BRINP1: variants seen among roughly 807,000 people sequenced by gnomAD.
The protein encoded by BRINP1 is BMP/retinoic acid inducible neural specific 1.
BRINP1 carries 17 observed loss-of-function variants against 72.9 expected under a neutral mutation model. The ratio of observed to expected loss-of-function variants is 0.23; its 90% CI spans 0.16 to 0.35. The LOEUF is 0.35. BRINP1 is among the 10% of genes least tolerant of loss of function. The pLI is 1.00. For missense variants in BRINP1, 850 were observed against 1,001.6 expected (o/e 0.85, Z 2.04); for synonymous variants, 418 against 378.5 (o/e 1.10, Z -1.21).
At chr9:119,301,961 T>C (rs1421993172) in intron 2 of BRINP1, among the ~76,000 whole-genome samples, 1 of 152,222 alleles carries the variant, frequency 6.6e-6, no homozygotes, top group Non-Finnish European at 1.5e-5. Flanking sequence ...AAGTGATCTT[T>C]GTAAGATGAC....
intron 1 of BRINP1, among the ~76,000 whole-genome samples, chr9:119,332,340 T>G (rs1831307746): frequency 6.6e-6 from 1 of 152,200 alleles, no homozygotes; most frequent in Admixed American, 6.5e-5. Context: ...TGTCAAGAAT[T>G]TTGTAGATGT....
intron 1 of BRINP1, among the ~76,000 whole-genome samples, chr9:119,317,641 CT>C (rs1564246788): frequency 6.6e-6 from 1 of 152,206 alleles, no homozygotes. Flanking sequence ...ACGTAAAATA[CT>C]ATCAAACGGC....
At chr9:119,271,728 G>A (rs7026052) in intron 2 of BRINP1, among the ~76,000 whole-genome samples, 99,298 of 151,920 alleles carry the variant, frequency 0.65, 33,338 homozygotes, top group East Asian at 0.91. Flanking sequence ...AAACATTCAT[G>A]ATTGGCAAAT....
chr9:119,274,033 CCAGA>C (rs1306549682), intron 2 of BRINP1, among the ~76,000 whole-genome samples: 2 of 152,066 alleles, frequency 1.3e-5, no homozygotes, highest in Non-Finnish European at 2.9e-5. Context: ...TTCTGGATAC[CCAGA>C]CAAAGATACA....
At chr9:119,242,328 T>C (rs1830260261) in intron 3 of BRINP1, 112 bp from the exon 4 acceptor site, 3 of 838,818 alleles carry the variant, frequency 3.6e-6, no homozygotes, top group Non-Finnish European at 5.6e-6. Context: ...ATGTGGCCCA[T>C]GTTTCCTTCT....
Position 119,232,069 on chromosome 9 carries a change from C to T in BRINP1, c.685+6586G>A, listed in dbSNP as rs571579770. Among the ~76,000 whole-genome samples, 4 of 152,260 alleles carry T rather than the reference C, an allele frequency of 2.6e-5. No homozygotes were observed. The South Asian group carries it at 8.3e-4, about 32-fold the overall frequency. On this transcript the variant is annotated intron_variant, in intron 5 of 7. Coordinates refer to ENST00000265922, the MANE Select transcript of BRINP1 (RefSeq NM_014618.3). ...TAGGTTTGAACGCATTTTCACATGT[C>T]CCATCAAAACTGGTCCTTACCAGTC...
chr9:119,256,842 G>A (rs1166174018), intron 2 of BRINP1, among the ~76,000 whole-genome samples: 1 of 152,170 alleles, frequency 6.6e-6, no homozygotes, highest in Non-Finnish European at 1.5e-5. Context: ...AATGACCTCT[G>A]ATAAGTGGAG....
chr9:119,269,848 G>C (rs1830590539), intron 2 of BRINP1, among the ~76,000 whole-genome samples: 1 of 88,900 alleles, frequency 1.1e-5, no homozygotes, highest in Non-Finnish European at 2.3e-5. Flanking sequence ...CTAAACACTT[G>C]AGATACATTA....
intron 4 of BRINP1, among the ~76,000 whole-genome samples, chr9:119,240,663 C>A (rs1420153918): frequency 1.3e-5 from 2 of 152,104 alleles, no homozygotes; most frequent in Admixed American, 1.3e-4. Context: ...CAAATACAGG[C>A]GATTCTTTTC....
intron 6 of BRINP1, among the ~76,000 whole-genome samples, chr9:119,212,432 A>T (rs1319946620): frequency 6.6e-6 from 1 of 152,228 alleles, no homozygotes; most frequent in Non-Finnish European, 1.5e-5. Context: ...CAGATGAGGG[A>T]ACCTCAGGCC....
intron 5 of BRINP1, among the ~76,000 whole-genome samples, chr9:119,221,457 C>A (rs185917146): frequency 6.6e-6 from 1 of 152,078 alleles, no homozygotes; most frequent in Admixed American, 6.6e-5. Context: ...CAGTATCCAT[C>A]GCTGACAGCT....
chr9:119,179,301 C>T (rs1043889724), intron 7 of BRINP1, among the ~76,000 whole-genome samples: 1 of 152,170 alleles, frequency 6.6e-6, no homozygotes, highest in Non-Finnish European at 1.5e-5. Flanking sequence ...AAATCAGCAT[C>T]TTTCTGTTGG....
chr9:119,258,884 T>A (rs1221487640), intron 2 of BRINP1, among the ~76,000 whole-genome samples: 1 of 152,278 alleles, frequency 6.6e-6, no homozygotes, highest in South Asian at 2.1e-4. Context: ...TGAAGGCCAC[T>A]TGGAAAATCT....
chr9:119,205,535 A>T (rs1397350005), intron 7 of BRINP1, among the ~76,000 whole-genome samples: 1 of 152,158 alleles, frequency 6.6e-6, no homozygotes, highest in East Asian at 1.9e-4. Flanking sequence ...TGGTGAAGTG[A>T]CTTGCCCAAG....
At chr9:119,309,861 G>C (rs1193217019) in intron 2 of BRINP1, among the ~76,000 whole-genome samples, 1 of 152,006 alleles carries the variant, frequency 6.6e-6, no homozygotes, top group Admixed American at 6.6e-5. Context: ...GGGTTTTTTT[G>C]GTCATCTCTA....
chr9:119,339,666 C>T (rs1178030126), intron 1 of BRINP1, among the ~76,000 whole-genome samples: 1 of 152,190 alleles, frequency 6.6e-6, no homozygotes, highest in African/African-American at 2.4e-5. Flanking sequence ...TTTTAATTTT[C>T]TACAGGAATT....
chr9:119,285,633 C>T (rs184104274), intron 2 of BRINP1, among the ~76,000 whole-genome samples: 3 of 152,282 alleles, frequency 2.0e-5, no homozygotes, highest in Admixed American at 6.5e-5. Context: ...GGATTAATAG[C>T]ATAGAGGGAA....
chr9:119,300,847 T>G (rs1032561012), intron 2 of BRINP1, among the ~76,000 whole-genome samples: 1 of 152,208 alleles, frequency 6.6e-6, no homozygotes, highest in African/African-American at 2.4e-5. Context: ...CTACAGCTAT[T>G]GATTACCTAC....
At chr9:119,318,180 T>G (rs912233906) in intron 1 of BRINP1, among the ~76,000 whole-genome samples, 1 of 152,188 alleles carries the variant, frequency 6.6e-6, no homozygotes, top group African/African-American at 2.4e-5. Flanking sequence ...TCATGTCCCC[T>G]CTCAAGACCT....
Sources: gnomAD v4.1 joint callset for allele counts (sites outside exome capture counted in the v4.1 genomes callset) on GRCh38, gnomAD v4.1.1 for gene constraint, MANE v1.5 for transcripts, NCBI Gene and HGNC (gene_info 2026-07-23, HGNC 2026-07-21) for gene names.